CERK: variants seen among roughly 807,000 people sequenced by gnomAD.
The protein encoded by CERK is ceramide kinase, also known as acylsphingosine kinase.
In CERK, 39 loss-of-function variants were observed where a neutral mutation model predicts 63.4. That is an observed-to-expected ratio of 0.61 (90% CI 0.48 to 0.80). CERK has a LOEUF of 0.80. Ranked by LOEUF, CERK falls within the 30% of genes least tolerant of loss-of-function variation. The probability of loss-of-function intolerance (pLI) is 0.00; values close to 1 mark genes in which losing one functional copy is unlikely to be tolerated. For missense variants in CERK, 670 were observed against 714.1 expected (o/e 0.94, Z 0.70); for synonymous variants, 302 against 280.0 (o/e 1.08, Z -0.78).
chr22:46,691,059 A>ACACG (rs1329629046), intron 11 of CERK, among the ~76,000 whole-genome samples: 5 of 146,376 alleles, frequency 3.4e-5, no homozygotes, highest in Non-Finnish European at 7.6e-5. Context: ...ACATACATAC[A>ACACG]CACACACACA....
At chr22:46,737,091 C>G (rs1039287152) in intron 1 of CERK, among the ~76,000 whole-genome samples, 8 of 152,126 alleles carry the variant, frequency 5.3e-5, no homozygotes, top group Non-Finnish European at 1.5e-5. Context: ...GTCAGGAATT[C>G]AAGACCAGCC....
At chr22:46,737,651 C>A (rs549534198) in intron 1 of CERK, among the ~76,000 whole-genome samples, 117 of 152,342 alleles carry the variant, frequency 7.7e-4, no homozygotes, top group African/African-American at 2.6e-3. Flanking sequence ...TGGCACCCCC[C>A]CTCGGGATCC....
intron 7 of CERK, among the ~76,000 whole-genome samples, chr22:46,700,284 T>C (rs980133006): frequency 6.6e-6 from 1 of 151,266 alleles, no homozygotes; most frequent in Non-Finnish European, 1.5e-5. Context: ...TCCCAGCTAC[T>C]TGGGAGGCTG....
chr22:46,735,287 C>A (rs997862800), intron 1 of CERK: 1 of 152,270 alleles, frequency 6.6e-6, no homozygotes, highest in Non-Finnish European at 1.5e-5. Context: ...CTTGCTGTCG[C>A]GGCTTCCTCA....
Position 46,701,677 on chromosome 22 carries a change from C to T in CERK, c.749G>A (p.Gly250Asp). ...CGCCGAGGTTTCTGCGTCGCTGGTG[C>T]CCACGGTGGAGTAACACACGCAGTC... The part of the protein sequence containing the change: ...STDCVCYSTV[G>D]TSDAETSALH... The change falls in exon 7 of 13, where the codon GGC (glycine) becomes GAC (aspartate). Residue 250 changes from glycine to aspartate, a missense_variant. By Grantham distance (94) the Gly-to-Asp change is moderately conservative (BLOSUM62 -1). Coordinates refer to ENST00000216264, the MANE Select transcript of CERK (RefSeq NM_022766.6). 1 of 1,559,426 alleles carries T rather than the reference C, an allele frequency of 6.4e-7. No homozygotes were observed. Among genetic ancestry groups the T allele is most frequent in the Non-Finnish European group, 8.7e-7 (1 of 1,151,442 alleles).
At chr22:46,699,913 A>T (rs1167046485) in intron 7 of CERK, among the ~76,000 whole-genome samples, 1 of 152,176 alleles carries the variant, frequency 6.6e-6, no homozygotes, top group Non-Finnish European at 1.5e-5. Context: ...GAATGGTGAA[A>T]CCTTGTCTCT....
At chr22:46,722,194 C>T (rs1433294418) in intron 1 of CERK, among the ~76,000 whole-genome samples, 12 of 151,794 alleles carry the variant, frequency 7.9e-5, no homozygotes, top group African/African-American at 1.5e-4. Context: ...GTATTTTTGC[C>T]GTAGCTAAAT....
intron 3 of CERK, 100 bp downstream of exon 3, chr22:46,719,986 C>A: frequency 6.7e-7 from 1 of 1,490,798 alleles, no homozygotes; most frequent in South Asian, 1.3e-5. Flanking sequence ...TGGGGTATGG[C>A]CAGCTGCACG....
chr22:46,709,729 A>G (rs2082831166), intron 5 of CERK, among the ~76,000 whole-genome samples: 1 of 152,236 alleles, frequency 6.6e-6, no homozygotes, highest in South Asian at 2.1e-4. Context: ...GCAATTAACT[A>G]CAGGGGAATA....
intron 11 of CERK, among the ~76,000 whole-genome samples, chr22:46,690,469 T>C (rs1433078342): frequency 6.6e-6 from 1 of 152,112 alleles, no homozygotes; most frequent in African/African-American, 2.4e-5. Flanking sequence ...TCCGCGGCAC[T>C]TGTCAAAATG....
intron 5 of CERK, among the ~76,000 whole-genome samples, chr22:46,709,366 C>A (rs1489896218): frequency 6.6e-6 from 1 of 152,204 alleles, no homozygotes; most frequent in African/African-American, 2.4e-5. Flanking sequence ...TGTCTTCCTG[C>A]CAAGCTGCTG....
intron 9 of CERK, among the ~76,000 whole-genome samples, 158 bp downstream of exon 9, chr22:46,695,052 G>T (rs111465527): frequency 6.6e-6 from 1 of 152,214 alleles, no homozygotes; most frequent in East Asian, 1.9e-4. Flanking sequence ...CCCCATGCAC[G>T]CCTAGGCCAT....
Position 46,714,401 on chromosome 22 carries a change from G to A in CERK, c.380-2108C>T, listed in dbSNP as rs2082857535. Among the ~76,000 whole-genome samples, 2 of 152,190 alleles carry A rather than the reference G, an allele frequency of 1.3e-5. No homozygotes were observed. Among genetic ancestry groups the A allele is most frequent in the Admixed American group, 6.5e-5 (1 of 15,282 alleles). On this transcript the variant is annotated intron_variant, in intron 3 of 12. Coordinates refer to ENST00000216264, the MANE Select transcript of CERK (RefSeq NM_022766.6). The surrounding 1 kb of genome is among the most constrained non-coding windows in gnomAD (Gnocchi z 4.4). Reference sequence around the variant, plus strand: ...CGAGGCTGCAGTGAGCTATGGTCGTGCCACTGCACTCCAGCCTGGGCTACA... The same window carrying A: ...CGAGGCTGCAGTGAGCTATGGTCGTACCACTGCACTCCAGCCTGGGCTACA...
At position 46,686,683 on chromosome 22, in the gene CERK, T is replaced by C; in HGVS notation, c.*451A>G. On this transcript the variant is annotated 3_prime_UTR_variant, in exon 13 of 13. Transcript: ENST00000216264. ...GAAGGTGAAATGAAGGCAAAGAGAATCAACCACTTCCCAAAACTTGGCCAC... is the reference window on the plus strand; with the variant it reads ...GAAGGTGAAATGAAGGCAAAGAGAACCAACCACTTCCCAAAACTTGGCCAC... The C allele has an allele frequency of 5.7e-6, 1 of 174,976 alleles. No individual in the cohort carries two copies. The highest frequency in any genetic ancestry group is 1.2e-4 in the South Asian group (1 of 8,420). The allele number at this position is 174,976 out of a possible 1,614,324, so 10.8% of individuals were successfully genotyped here. A position where few individuals can be genotyped will look rare whatever the true frequency, so the allele number is the denominator to read the frequency against.
chr22:46,696,203 T>C (rs2082755352), intron 8 of CERK, among the ~76,000 whole-genome samples: 2 of 152,186 alleles, frequency 1.3e-5, no homozygotes, highest in Non-Finnish European at 1.5e-5. Flanking sequence ...GACATCTGTG[T>C]GCCTGAAAGT....
Position 46,690,159 on chromosome 22 carries a change from G to C in CERK, c.1374C>G (p.Phe458Leu). Residue 458 changes from phenylalanine (F) to leucine (L), a missense_variant, in exon 12 of 13, where the codon TTC becomes TTG. Transcript: ENST00000216264. ...TFVEVYRVKK[F>L]QFTSKHMEDE... ...CCTCCATGTGCTTCGACGTAAACTG[G>C]AATTTCTTGACGCGATAAACTTCAA... 6.2e-7 allele frequency: 1 copy of C among 1,613,882 alleles called. No homozygotes were observed. Among genetic ancestry groups the C allele is most frequent in the African/African-American group, 1.3e-5 (1 of 74,942 alleles).
chr22:46,721,096 G>T, intron 1 of CERK, 81 bp from the exon 2 acceptor site: 1 of 890,866 alleles, frequency 1.1e-6, no homozygotes, highest in South Asian at 1.3e-5. Flanking sequence ...AAGAAGCTGA[G>T]AATATTCTGC....
intron 8 of CERK, among the ~76,000 whole-genome samples, chr22:46,698,633 G>A (rs2082767988): frequency 6.6e-6 from 1 of 152,168 alleles, no homozygotes; most frequent in African/African-American, 2.4e-5. Context: ...GCTCATGGTT[G>A]TAATCCCAGC....
chr22:46,720,331 C>A, intron 2 of CERK, 123 bp from the exon 3 acceptor site: 1 of 1,120,532 alleles, frequency 8.9e-7, no homozygotes, highest in East Asian at 2.6e-5. Context: ...AGGGGTTCTC[C>A]TCCCTTCTAA....
Sources: allele counts gnomAD v4.1 joint callset (sites outside exome capture counted in the v4.1 genomes callset), GRCh38; gene constraint gnomAD v4.1.1; non-coding constraint Gnocchi (gnomAD v3.1); transcripts MANE v1.5; gene names NCBI Gene and HGNC (gene_info 2026-07-23, HGNC 2026-07-21).